The following PPP1R9A variants were observed in gnomAD, a reference collection of about 807,000 sequenced individuals.
PPP1R9A encodes neurabin-1.
In PPP1R9A, 59 loss-of-function variants were observed where a neutral mutation model predicts 141.9. The observed-to-expected ratio is 0.42, with a 90% CI of 0.34 to 0.52. The LOEUF (loss-of-function observed/expected upper bound fraction) is 0.52. PPP1R9A is among the 20% of genes least tolerant of loss of function. The probability of loss-of-function intolerance (pLI) is 0.10; values close to 1 mark genes in which losing one functional copy is unlikely to be tolerated. For missense variants in PPP1R9A, 1,444 were observed against 1,611.9 expected (o/e 0.90, Z 1.78); for synonymous variants, 500 against 569.7 (o/e 0.88, Z 1.74).
rs760655541 is a variant in PPP1R9A, at chr7:94,911,084, C to G, written c.971C>G (p.Pro324Arg). Reference protein sequence around the residue: ...DSIDKDGPEEPCAESKAMPKS... With the variant: ...DSIDKDGPEERCAESKAMPKS... ...ATTGACAAAGATGGTCCTGAAGAAC[C>G]TTGTGCTGAAAGTAAGGCAATGCCA... Residue 324 changes from proline (P) to arginine (R), a missense_variant, in exon 2 of 20, where the codon CCT becomes CGT. Coordinates refer to ENST00000433360, the MANE Select transcript of PPP1R9A (RefSeq NM_001166160.2). The G allele has an allele frequency of 6.2e-7, 1 of 1,614,156 alleles. No homozygotes were observed. Among genetic ancestry groups the G allele is most frequent in the South Asian group, 1.1e-5 (1 of 91,076 alleles).
intron 2 of PPP1R9A, among the ~76,000 whole-genome samples, chr7:94,928,385 A>C (rs532314448): frequency 6.6e-6 from 1 of 152,186 alleles, no homozygotes; most frequent in African/African-American, 2.4e-5. Context: ...ACTTTGCTAT[A>C]TATACCTCTC....
At chr7:95,283,954 G>C in intron 16 of PPP1R9A, 64 bp from the exon 17 acceptor site, 1 of 1,325,220 alleles carries the variant, frequency 7.5e-7, no homozygotes, top group Non-Finnish European at 1.0e-6. Flanking sequence ...CAGAGTCCTT[G>C]GGTTCAGTAG....
intron 2 of PPP1R9A, among the ~76,000 whole-genome samples, chr7:95,060,038 A>C (rs1242498296): frequency 6.6e-6 from 1 of 151,680 alleles, no homozygotes; most frequent in African/African-American, 2.4e-5. Flanking sequence ...AAGTGAAAAC[A>C]CTCCTGGAAA....
chr7:95,192,691 G>A (rs1357087368), intron 5 of PPP1R9A, among the ~76,000 whole-genome samples: 1 of 151,988 alleles, frequency 6.6e-6, no homozygotes, highest in Non-Finnish European at 1.5e-5. Context: ...AGAATCAGTA[G>A]GTGGTATTTA....
At chr7:95,227,728 G>A (rs1346367003) in intron 8 of PPP1R9A, among the ~76,000 whole-genome samples, 1 of 151,898 alleles carries the variant, frequency 6.6e-6, no homozygotes, top group African/African-American at 2.4e-5. Flanking sequence ...GTGTGATCTC[G>A]ATTCATTCTG....
At chr7:95,196,178 A>G (rs1024709949) in intron 5 of PPP1R9A, among the ~76,000 whole-genome samples, 6 of 152,188 alleles carry the variant, frequency 3.9e-5, no homozygotes, top group African/African-American at 1.4e-4. Flanking sequence ...ACAGTTGAAA[A>G]GATATTTCAC....
At chr7:94,919,206 T>G (rs1378415294) in intron 2 of PPP1R9A, among the ~76,000 whole-genome samples, 1 of 152,118 alleles carries the variant, frequency 6.6e-6, no homozygotes, top group East Asian at 1.9e-4. Context: ...CAAAGCTCAC[T>G]GCAGCCTTGA....
chr7:95,199,600 C>T (rs1415719542), intron 6 of PPP1R9A, among the ~76,000 whole-genome samples: 2 of 151,842 alleles, frequency 1.3e-5, no homozygotes, highest in African/African-American at 4.8e-5. Flanking sequence ...GTGGTATATC[C>T]GTTAACTTTT....
At chr7:94,986,692 A>G (rs1476506591) in intron 2 of PPP1R9A, among the ~76,000 whole-genome samples, 1 of 152,212 alleles carries the variant, frequency 6.6e-6, no homozygotes, top group African/African-American at 2.4e-5. Context: ...TATACACTGG[A>G]TACACAGGCA....
chr7:95,119,338 T>A (rs1056192547), intron 3 of PPP1R9A, among the ~76,000 whole-genome samples: 2 of 151,840 alleles, frequency 1.3e-5, no homozygotes, highest in Middle Eastern at 3.4e-3. Flanking sequence ...ACCAGTAAAA[T>A]GGAAATAAAA....
At chr7:95,188,798 C>T (rs1835035338) in intron 5 of PPP1R9A, among the ~76,000 whole-genome samples, 2 of 151,938 alleles carry the variant, frequency 1.3e-5, no homozygotes, top group Non-Finnish European at 2.9e-5. Context: ...AGGGTTTTAC[C>T]ATCTTGGCCA....
At chr7:95,009,200 A>C (rs1165402973) in intron 2 of PPP1R9A, among the ~76,000 whole-genome samples, 3 of 152,220 alleles carry the variant, frequency 2.0e-5, no homozygotes, top group Non-Finnish European at 4.4e-5. Context: ...TACCTAATGT[A>C]AATAAGGAGT....
At chr7:95,198,137 C>T (rs1166327541) in intron 5 of PPP1R9A, among the ~76,000 whole-genome samples, 1 of 151,988 alleles carries the variant, frequency 6.6e-6, no homozygotes, top group Non-Finnish European at 1.5e-5. Context: ...CTTTTTTCCC[C>T]CTTCTTTTCC....
At chr7:94,998,917 C>G (rs1009678425) in intron 2 of PPP1R9A, among the ~76,000 whole-genome samples, 1 of 152,082 alleles carries the variant, frequency 6.6e-6, no homozygotes, top group African/African-American at 2.4e-5. Context: ...ATATAAGCCA[C>G]TATGCCTGGC....
At chr7:95,162,985 A>G (rs546878273) in intron 5 of PPP1R9A, among the ~76,000 whole-genome samples, 2 of 152,232 alleles carry the variant, frequency 1.3e-5, no homozygotes, top group African/African-American at 4.8e-5. Context: ...TAATTGCAAA[A>G]CTGTGTGGTG....
chr7:95,266,396 G>A (rs1252830040), intron 12 of PPP1R9A, among the ~76,000 whole-genome samples: 4 of 151,852 alleles, frequency 2.6e-5, no homozygotes, highest in Non-Finnish European at 5.9e-5. Context: ...GGAGCCTATT[G>A]GAGAAATGAG....
Position 95,115,188 on chromosome 7 carries a change from A to G in PPP1R9A, c.1528+3797A>G, listed in dbSNP as rs1584765646. Among the ~76,000 whole-genome samples the G allele has an allele frequency of 2.0e-5, 3 of 152,302 alleles. No homozygotes were observed. In the East Asian group the frequency reaches 5.8e-4, roughly 29 times the overall value. ...ATAATACTGAGTGGAGAAAATTGAAAGTAAACTTATGCAAATTAGGAATGG... is the reference window on the plus strand; with the variant it reads ...ATAATACTGAGTGGAGAAAATTGAAGGTAAACTTATGCAAATTAGGAATGG... On this transcript the variant is annotated intron_variant, in intron 3 of 19. Transcript: ENST00000433360.
rs1001164401 is a variant in PPP1R9A, at chr7:95,107,307, A to C, written c.1396-3952A>C. Among the ~76,000 whole-genome samples, 6 of 152,120 alleles carry C rather than the reference A, an allele frequency of 3.9e-5. No homozygotes were observed. The East Asian group carries it at 1.2e-3, about 29-fold the overall frequency. ...TATATATTAGGAATATTCATGTTTC[A>C]TCTTAATATTTGGTCATACTTTCTG... On this transcript the variant is annotated intron_variant, in intron 2 of 19. Transcript: ENST00000433360.
intron 4 of PPP1R9A, among the ~76,000 whole-genome samples, chr7:95,128,567 T>C (rs1159184771): frequency 6.6e-6 from 1 of 151,974 alleles, no homozygotes. Flanking sequence ...TGTTTTCTGT[T>C]CGTTTGTTTG....
Sources: gnomAD v4.1 joint callset for allele counts (sites outside exome capture counted in the v4.1 genomes callset) on GRCh38, gnomAD v4.1.1 for gene constraint, MANE v1.5 for transcripts, NCBI Gene and HGNC (gene_info 2026-07-23, HGNC 2026-07-21) for gene names.